DDX60L: variants seen among roughly 807,000 people sequenced by gnomAD.
DDX60L encodes probable ATP-dependent RNA helicase DDX60-like.
A neutral mutation model predicts 211.6 loss-of-function variants in DDX60L; 191 were observed. The ratio of observed to expected loss-of-function variants is 0.90; its 90% CI spans 0.80 to 1.02. The LOEUF is 1.02. Among genes scored for constraint, DDX60L ranks in the 50% least tolerant of loss-of-function variants. The pLI, the probability that DDX60L is intolerant of heterozygous loss-of-function variation, is 0.00. For synonymous variants in DDX60L, 706 were observed against 694.1 expected, an observed-to-expected ratio of 1.02 and a Z score of -0.27; for missense variants, 2,007 against 1,984.1, an observed-to-expected ratio of 1.01 and a Z score of -0.22.
chr4:168,393,005 G>C (rs1340526958), intron 28 of DDX60L, among the ~76,000 whole-genome samples: 4 of 152,180 alleles, frequency 2.6e-5, no homozygotes, highest in Admixed American at 6.5e-5. Context: ...AACACTGACT[G>C]TGATGAACAA....
chr4:168,473,941 C>T (rs1579897843), intron 1 of DDX60L, among the ~76,000 whole-genome samples: 1 of 152,140 alleles, frequency 6.6e-6, no homozygotes, highest in Non-Finnish European at 1.5e-5. Context: ...AAAGTAAGTA[C>T]AGTCTCTGTG....
chr4:168,418,402 C>T (rs1310341145), intron 19 of DDX60L, among the ~76,000 whole-genome samples: 1 of 152,128 alleles, frequency 6.6e-6, no homozygotes, highest in African/African-American at 2.4e-5. Flanking sequence ...TGTGCTTAGG[C>T]ATTTTGAGAT....
intron 21 of DDX60L, 35 bp from the exon 22 acceptor site, chr4:168,415,552 G>T (rs751194598): frequency 1.0e-5 from 15 of 1,461,682 alleles, no homozygotes; most frequent in Non-Finnish European, 1.3e-5. Flanking sequence ...CAAATTAATG[G>T]ACATACGATT....
chr4:168,466,807 A>C (rs1758053011), intron 4 of DDX60L, among the ~76,000 whole-genome samples: 1 of 152,186 alleles, frequency 6.6e-6, no homozygotes, highest in Admixed American at 6.5e-5. Context: ...CCTTTTGGTA[A>C]GCTATAGTTA....
Position 168,415,787 on chromosome 4 carries a change from T to G in DDX60L, c.2739A>C (p.Ser913=), listed in dbSNP as rs1376110583. 1.3e-6 allele frequency: 2 copies of G among 1,561,626 alleles called. No individual in the cohort carries two copies. Among genetic ancestry groups the G allele is most frequent in the Non-Finnish European group, 1.7e-6 (2 of 1,154,054 alleles). The part of the protein sequence containing the change: ...NPNLLTKWLQ[S]VKQYWKQADK... ...CTGCCTGTTTCCAGTACTGTTTTACTGATTGCAGCCACCTTACAGAATAAA... is the reference window on the plus strand; with the variant it reads ...CTGCCTGTTTCCAGTACTGTTTTACGGATTGCAGCCACCTTACAGAATAAA... The change falls in exon 21 of 38, where the codon TCA becomes TCC. Residue 913 remains serine (S), a synonymous_variant. Transcript: ENST00000682922.
intron 24 of DDX60L, among the ~76,000 whole-genome samples, chr4:168,404,424 G>T (rs1261817333): frequency 6.6e-6 from 1 of 151,962 alleles, no homozygotes; most frequent in Non-Finnish European, 1.5e-5. Context: ...GTGACAAAGG[G>T]TTTCTCCAGT....
intron 30 of DDX60L, among the ~76,000 whole-genome samples, chr4:168,383,985 C>T (rs367555787): frequency 1.3e-5 from 2 of 152,060 alleles, no homozygotes; most frequent in South Asian, 2.1e-4. Flanking sequence ...GCCAGCATGG[C>T]CAGAATATAA....
chr4:168,440,560 G>C (rs1753681179), intron 10 of DDX60L, among the ~76,000 whole-genome samples: 1 of 151,900 alleles, frequency 6.6e-6, no homozygotes, highest in African/African-American at 2.4e-5. Context: ...CAGCTCCTTG[G>C]GGAATTCTCA....
At chr4:168,369,203 G>A (rs1442412622) in intron 36 of DDX60L, among the ~76,000 whole-genome samples, 9 of 152,092 alleles carry the variant, frequency 5.9e-5, no homozygotes, top group African/African-American at 1.7e-4. Context: ...GGAGGAACCC[G>A]GTGCGAGGTG....
At chr4:168,437,679 G>A (rs1367349737) in intron 10 of DDX60L, among the ~76,000 whole-genome samples, 2 of 152,084 alleles carry the variant, frequency 1.3e-5, no homozygotes, top group Non-Finnish European at 2.9e-5. Flanking sequence ...GAATCTTTGT[G>A]GCAATAAGAT....
At chr4:168,370,194 A>C (rs992691287) in intron 36 of DDX60L, among the ~76,000 whole-genome samples, 1 of 152,226 alleles carries the variant, frequency 6.6e-6, no homozygotes, top group African/African-American at 2.4e-5. Context: ...GGATGAACAG[A>C]TAAAGAAAAT....
intron 13 of DDX60L, among the ~76,000 whole-genome samples, chr4:168,429,620 C>T (rs1204593931): frequency 1.3e-5 from 2 of 152,132 alleles, no homozygotes; most frequent in Admixed American, 6.5e-5. Context: ...AGTAAAATAA[C>T]TCATTTGTAA....
rs558926178 is a variant in DDX60L, at chr4:168,432,743, G to C, written c.1401-173C>G. On this transcript the variant is annotated intron_variant, in intron 11 of 37. Coordinates refer to ENST00000682922, the MANE Select transcript of DDX60L (RefSeq NM_001012967.3). Reference sequence around the variant, plus strand: ...CTGAATTTCTGCCATTCCTGTAACAGTCACATCCACATCAACAACAATGTA... The same window carrying C: ...CTGAATTTCTGCCATTCCTGTAACACTCACATCCACATCAACAACAATGTA... Among the ~76,000 whole-genome samples, 173 of 151,416 alleles carry C rather than the reference G, an allele frequency of 1.1e-3. 1 individual carries two copies. Among genetic ancestry groups the C allele is most frequent in the South Asian group, 3.8e-3 (18 of 4,764 alleles).
chr4:168,452,409 A>G (rs1286331191), intron 8 of DDX60L, among the ~76,000 whole-genome samples: 2 of 152,220 alleles, frequency 1.3e-5, no homozygotes, highest in East Asian at 3.8e-4. Context: ...CTACAATACA[A>G]TCACTCAAAC....
intron 29 of DDX60L, among the ~76,000 whole-genome samples, chr4:168,389,868 T>C (rs1191697329): frequency 1.3e-5 from 2 of 152,280 alleles, no homozygotes; most frequent in Non-Finnish European, 2.9e-5. Context: ...GGTACGAAAG[T>C]GCAAGCAGTA....
At chr4:168,392,482 C>T (rs1471081147) in intron 28 of DDX60L, among the ~76,000 whole-genome samples, 1 of 151,866 alleles carries the variant, frequency 6.6e-6, no homozygotes, top group Non-Finnish European at 1.5e-5. Context: ...AAAAGTTCAT[C>T]AATAAAAATG....
chr4:168,409,468 T>C (rs1293396409), intron 22 of DDX60L, among the ~76,000 whole-genome samples: 4 of 152,232 alleles, frequency 2.6e-5, no homozygotes, highest in African/African-American at 4.8e-5. Context: ...GAAAATTCAA[T>C]GCTGAAGATA....
chr4:168,377,290 T>TTAAA, intron 33 of DDX60L, among the ~76,000 whole-genome samples: 1 of 130,836 alleles, frequency 7.6e-6, no homozygotes, highest in South Asian at 2.6e-4. Flanking sequence ...AGACTCTGTC[T>TTAAA]CAAATAAATA....
chr4:168,472,093 T>C (rs1245434958), intron 3 of DDX60L, among the ~76,000 whole-genome samples, 157 bp from the exon 4 acceptor site: 1 of 152,188 alleles, frequency 6.6e-6, no homozygotes, highest in African/African-American at 2.4e-5. Flanking sequence ...CTGTCCTTTA[T>C]AAGAAGGAGA....
Sources: gnomAD v4.1 joint callset for allele counts (sites outside exome capture counted in the v4.1 genomes callset) on GRCh38, gnomAD v4.1.1 for gene constraint, MANE v1.5 for transcripts, NCBI Gene and HGNC (gene_info 2026-07-23, HGNC 2026-07-21) for gene names.